MBD3L3: variants seen among roughly 807,000 people sequenced by gnomAD.
The protein encoded by MBD3L3 is methyl-CpG binding domain protein 3 like 3, also known as methyl-CpG-binding domain protein 3-like 3.
For missense variants in MBD3L3, 4 were observed against 111.7 expected, an observed-to-expected ratio of 0.04 and a Z score of 4.35; for synonymous variants, 1 against 44.0, an observed-to-expected ratio of 0.02 and a Z score of 3.87.
Position 7,056,289 on chromosome 19 carries a change from A to T in MBD3L3, c.*33T>A, listed in dbSNP as rs1977196717. Reference sequence around the variant, plus strand: ...CAGAGTAGGAATGAGGATGGGCATTAAAAGAAAGGGACCGAAAGCCCAGGA... The same window carrying T: ...CAGAGTAGGAATGAGGATGGGCATTTAAAGAAAGGGACCGAAAGCCCAGGA... On this transcript the variant is annotated 3_prime_UTR_variant, in exon 2 of 2. Transcript: ENST00000333843. The T allele has an allele frequency of 1.5e-6, 1 of 686,156 alleles. No homozygotes were observed. The highest frequency in any genetic ancestry group is 2.7e-6 in the Non-Finnish European group (1 of 376,160). 42.5% of individuals were successfully genotyped at this position (686,156 alleles called of 1,614,324 possible). A position where few individuals can be genotyped will look rare whatever the true frequency, so the allele number is the denominator to read the frequency against.
At position 7,058,641 on chromosome 19, in the gene MBD3L3, GAT is replaced by G; in HGVS notation, c.-38_-37del. ...TTTCTCTTGCTGACCCCACTCTTGAGATGCAGACAACCCTTGGCTTGCCGGAA... is the reference window on the plus strand; with the variant it reads ...TTTCTCTTGCTGACCCCACTCTTGAGGCAGACAACCCTTGGCTTGCCGGAA... On this transcript the variant is annotated 5_prime_UTR_variant, in exon 1 of 2. Transcript: ENST00000333843. 1 of 161,962 alleles carries G rather than the reference GAT, an allele frequency of 6.2e-6. No individual in the cohort carries two copies. Among genetic ancestry groups the G allele is most frequent in the Non-Finnish European group, 1.1e-5 (1 of 90,096 alleles). 10.0% of individuals were successfully genotyped at this position (161,962 alleles called of 1,614,324 possible). A position where few individuals can be genotyped will look rare whatever the true frequency, so the allele number is the denominator to read the frequency against.
intron 1 of MBD3L3, 42 bp downstream of exon 1, chr19:7,058,519 A>ACAG: frequency 3.0e-6 from 1 of 331,128 alleles, no homozygotes; most frequent in Non-Finnish European, 5.3e-6. Context: ...GAAAAAGGAC[A>ACAG]CATATGGACA....
chr19:7,056,521 G>C lies in MBD3L3; in HGVS notation c.428C>G (p.Pro143Arg), dbSNP rs1428348196. 1.3e-6 allele frequency: 1 copy of C among 777,006 alleles called. No homozygotes were observed. Among genetic ancestry groups the C allele is most frequent in the Admixed American group, 1.7e-5 (1 of 58,656 alleles). 48.1% of individuals were successfully genotyped at this position (777,006 alleles called of 1,614,324 possible). The stretch of plus-strand genomic sequence containing the variant: ...CCCTGCCACAGCTGGAAACCGCCCA[G>C]GGGTGGGCTCAAGCGGGCTGCGCAC... ...ERVRSPLEPT[P>R]GRFPAVAGGP... Residue 143 changes from proline to arginine, a missense_variant, in exon 2 of 2, where the codon CCT becomes CGT. Pro to Arg is a moderately radical substitution (Grantham distance 103, BLOSUM62 -2). Coordinates refer to ENST00000333843, the MANE Select transcript of MBD3L3 (RefSeq NM_001164425.4).
Sources: allele counts gnomAD v4.1 joint callset, GRCh38; gene constraint gnomAD v4.1.1; transcripts MANE v1.5; gene names NCBI Gene and HGNC (gene_info 2026-07-23, HGNC 2026-07-21).